The following NOS2 variants were observed in gnomAD, a reference collection of about 807,000 sequenced individuals.
NOS2 encodes nitric oxide synthase 2.
NOS2 carries 96 observed loss-of-function variants against 136.0 expected under a neutral mutation model. That is an observed-to-expected ratio of 0.71 (90% confidence interval 0.60 to 0.84). The LOEUF (loss-of-function observed/expected upper bound fraction) is 0.84. NOS2 is among the 40% of genes least tolerant of loss of function. The pLI, the probability that NOS2 is intolerant of heterozygous loss-of-function variation, is 0.00. For synonymous variants in NOS2, 539 were observed against 587.5 expected, an observed-to-expected ratio of 0.92 and a Z score of 1.20; for missense variants, 1,237 against 1,496.9, an observed-to-expected ratio of 0.83 and a Z score of 2.87.
intron 15 of NOS2, among the ~76,000 whole-genome samples, chr17:27,770,128 T>C (rs1030554382): frequency 1.8e-4 from 27 of 152,202 alleles, no homozygotes. Flanking sequence ...GGAGAGACAG[T>C]CTCATATTGG....
chr17:27,778,984 C>T lies in NOS2; in HGVS notation c.1077G>A (p.Val359=), dbSNP rs149790119. ...GGCACCCTGGGAACTCCAGGCCGCC[C>T]ACCTCAAGCAGCATGTTGGCCACTG... ...LPAVANMLLE[V]GGLEFPGCPF... is the part of the protein sequence containing the mutation. The change falls in exon 10 of 27, where the codon GTG becomes GTA. Residue 359 remains valine, a synonymous_variant. Coordinates refer to ENST00000313735, the MANE Select transcript of NOS2 (RefSeq NM_000625.4). The T allele has an allele frequency of 8.7e-6, 14 of 1,612,480 alleles. No individual in the cohort carries two copies. The highest frequency in any genetic ancestry group is 1.3e-5 in the African/African-American group (1 of 74,872).
intron 8 of NOS2, 33 bp from the exon 9 acceptor site, chr17:27,780,939 A>G: frequency 6.2e-7 from 1 of 1,601,338 alleles, no homozygotes; most frequent in Non-Finnish European, 8.5e-7. Context: ...TGAGTCTGTA[A>G]GCCCGGGCTG....
intron 25 of NOS2, 51 bp from the exon 26 acceptor site, chr17:27,759,126 CTTG>C: frequency 7.2e-7 from 1 of 1,385,650 alleles, no homozygotes; most frequent in Non-Finnish European, 9.6e-7. Flanking sequence ...CAGGACAAGG[CTTG>C]CAGGCAGGCC....
At chr17:27,764,940 GGA>G (rs1908248633) in intron 20 of NOS2, among the ~76,000 whole-genome samples, 1 of 152,156 alleles carries the variant, frequency 6.6e-6, no homozygotes, top group African/African-American at 2.4e-5. Flanking sequence ...ACTTTCTCCT[GGA>G]CAGTGGGGGT....
At chr17:27,767,264 C>T (rs181043870) in intron 18 of NOS2, among the ~76,000 whole-genome samples, 3 of 152,350 alleles carry the variant, frequency 2.0e-5, no homozygotes, top group South Asian at 2.1e-4. Context: ...AGCCTGGAAT[C>T]GCCTCTGTGA....
intron 2 of NOS2, chr17:27,793,686 C>T (rs1347564127): frequency 5.1e-6 from 2 of 395,642 alleles, no homozygotes; most frequent in Non-Finnish European, 8.9e-6. Context: ...CGCCCAGCCC[C>T]TCGCGCATGG....
chr17:27,771,131 C>T, intron 14 of NOS2, 114 bp from the exon 15 acceptor site: 1 of 718,834 alleles, frequency 1.4e-6, no homozygotes, highest in Non-Finnish European at 2.4e-6. Context: ...CTCCTGTGCT[C>T]ATCTGTCTCT....
At chr17:27,764,665 G>A (rs1184441187) in intron 20 of NOS2, among the ~76,000 whole-genome samples, 1 of 152,224 alleles carries the variant, frequency 6.6e-6, no homozygotes, top group Non-Finnish European at 1.5e-5. Flanking sequence ...CCACTTCTGA[G>A]GTGACTGAAG....
chr17:27,771,068 C>G, intron 14 of NOS2, 51 bp from the exon 15 acceptor site: 1 of 1,377,936 alleles, frequency 7.3e-7, no homozygotes, highest in Non-Finnish European at 1.0e-6. Context: ...TAGGGCCCTC[C>G]CTACCCTGCG....
chr17:27,768,998 G>C lies in NOS2; in HGVS notation c.2013C>G (p.Ser671Arg). The C allele has an allele frequency of 6.2e-7, 1 of 1,609,840 alleles. No homozygotes were observed. The highest frequency in any genetic ancestry group is 8.5e-7 in the Non-Finnish European group (1 of 1,178,328). Residue 671 changes from serine to arginine, a missense_variant, in exon 17 of 27, where the codon AGC becomes AGG. Around this residue, in one of 3 missense-constraint regions of NOS2, gnomAD observed 782 missense variants for 909.9 expected, o/e 0.86. Transcript: ENST00000313735. ...TGACCTTGAAGGTTTGCACGGCCCA[G>C]CTGCGGAAGGCGTCCTCCTGCCCAC... is the stretch of plus-strand genomic sequence containing the variant. The part of the protein sequence containing the change: ...ELSGQEDAFR[S>R]WAVQTFKAAC...
intron 2 of NOS2, among the ~76,000 whole-genome samples, chr17:27,790,060 C>G (rs1174441929): frequency 6.6e-6 from 1 of 152,162 alleles, no homozygotes; most frequent in South Asian, 2.1e-4. Context: ...GCAGCACTGC[C>G]CAGCAGCCAC....
At position 27,774,250 on chromosome 17, in the gene NOS2, C is replaced by A. The variant is rs537733821; in HGVS notation, c.1476+7G>T. 2.0e-6 allele frequency: 3 copies of A among 1,483,016 alleles called. No individual in the cohort carries two copies. The South Asian group carries it at 4.3e-5, about 21-fold the overall frequency. The allele number at this position is 1,483,016 out of a possible 1,614,324, so 91.9% of individuals were successfully genotyped here. On this transcript the variant is annotated splice_region_variant and intron_variant, in intron 12 of 26. Transcript: ENST00000313735. ...CCCAGGAAGGAGAGAAGAGGAAGGC[C>A]CCTAACCTGATAGTAGTAGAAAGGG... is the stretch of plus-strand genomic sequence containing the variant.
chr17:27,774,207 T>C (rs200179732), intron 12 of NOS2, 50 bp downstream of exon 12: 41 of 1,314,004 alleles, frequency 3.1e-5, no homozygotes, highest in Non-Finnish European at 2.8e-5. Flanking sequence ...CACACACACA[T>C]ACAGCCACAT....
chr17:27,760,233 T>C (rs1197743270), intron 24 of NOS2, 55 bp from the exon 25 acceptor site: 3 of 1,487,710 alleles, frequency 2.0e-6, no homozygotes, highest in South Asian at 1.4e-5. Flanking sequence ...GCGCCAGGGC[T>C]CCAAGCCCAA....
rs113419464 is a variant in NOS2 at position 27,758,979 on chromosome 17, G to A, written c.3256C>T (p.Arg1086Cys). The A allele has an allele frequency of 2.9e-4, 475 of 1,613,050 alleles. 3 individuals are homozygous for A. The African/African-American group carries it at 5.3e-3, about 18-fold the overall frequency. The part of the protein sequence containing the change: ...PGHLYVCGDV[R>C]MARDVAHTLK... ...GTGTGGGCCACGTCCCGGGCCATGC[G>A]CACATCCCCGCAAACATAGAGGTGG... The change falls in exon 26 of 27, where the codon CGC becomes TGC. Residue 1086 changes from arginine (R) to cysteine (C), a missense_variant. Physicochemically the swap from Arg to Cys is radical, Grantham distance 180 (BLOSUM62 -3). Transcript: ENST00000313735.
intron 12 of NOS2, 112 bp downstream of exon 12, chr17:27,774,145 T>A: frequency 1.3e-6 from 1 of 744,524 alleles, no homozygotes; most frequent in Non-Finnish European, 1.9e-6. Context: ...TCTAACAACA[T>A]ACTCCTGCTT....
At position 27,771,818 on chromosome 17, in the gene NOS2, C is replaced by T. The variant is rs1267993293; in HGVS notation, c.1704+490G>A. Reference sequence around the variant, plus strand: ...TCCCCAAGGGCAAGGCCTGGCTCTGCGCCACCCACTGTCAGATCCTCAGAG... The same window carrying T: ...TCCCCAAGGGCAAGGCCTGGCTCTGTGCCACCCACTGTCAGATCCTCAGAG... On this transcript the variant is annotated intron_variant, in intron 14 of 26. Coordinates refer to ENST00000313735, the MANE Select transcript of NOS2 (RefSeq NM_000625.4). Among the ~76,000 whole-genome samples the T allele has an allele frequency of 3.3e-5, 5 of 152,374 alleles. No individual in the cohort carries two copies. In the East Asian group the frequency reaches 7.7e-4, roughly 24 times the overall value.
At chr17:27,788,726 G>A in intron 4 of NOS2, 83 bp downstream of exon 4, 1 of 1,528,548 alleles carries the variant, frequency 6.5e-7, no homozygotes, top group South Asian at 1.2e-5. Context: ...GTTTGCCCAG[G>A]GGGACACCTG....
At chr17:27,774,510 C>T (rs1229855010) in intron 11 of NOS2, 59 bp from the exon 12 acceptor site, 8 of 1,317,754 alleles carry the variant, frequency 6.1e-6, no homozygotes, top group Admixed American at 2.9e-5. Context: ...GGAGAGGGGC[C>T]GGTTGGCCGC....
Sources: gnomAD v4.1 joint callset for allele counts (sites outside exome capture counted in the v4.1 genomes callset) on GRCh38, gnomAD v4.1.1 for gene constraint, gnomAD v4.1.1 regional missense constraint, MANE v1.5 for transcripts, NCBI Gene and HGNC (gene_info 2026-07-23, HGNC 2026-07-21) for gene names.